UBA6: variants seen among roughly 807,000 people sequenced by gnomAD.
The protein encoded by UBA6 is ubiquitin like modifier activating enzyme 6.
Under a neutral mutation model 148.3 loss-of-function variants are expected in UBA6, and 87 were observed. That is an observed-to-expected ratio of 0.59 (90% CI 0.49 to 0.70). UBA6 has a LOEUF of 0.70. UBA6 is among the 30% of genes least tolerant of loss of function. The probability of loss-of-function intolerance (pLI) is 0.00; values close to 1 mark genes in which losing one functional copy is unlikely to be tolerated. For synonymous variants in UBA6, 376 were observed against 401.0 expected, an observed-to-expected ratio of 0.94 and a Z score of 0.75; for missense variants, 1,186 against 1,241.2, an observed-to-expected ratio of 0.96 and a Z score of 0.67.
At chr4:67,640,674 A>G (rs779689813) in intron 18 of UBA6, among the ~76,000 whole-genome samples, 34 of 152,290 alleles carry the variant, frequency 2.2e-4, no homozygotes, top group South Asian at 1.0e-3. Context: ...CCTGACTTAA[A>G]TATTTTGATT....
chr4:67,694,782 C>T (rs756471503), intron 2 of UBA6, among the ~76,000 whole-genome samples: 3 of 152,166 alleles, frequency 2.0e-5, no homozygotes, highest in Non-Finnish European at 4.4e-5. Context: ...TTAGTACCCA[C>T]ATAAATTTCT....
Position 67,618,032 on chromosome 4 carries a change from T to TAAAAAAAAAAAAAAAAAAAAA in UBA6, c.*964_*965insTTTTTTTTTTTTTTTTTTTTT, listed in dbSNP as rs71669108. ...GGGAATGAAATAACATGCTTCTGTTTAAAAAAAAAAAACAAAAAAAACACA... is the reference window on the plus strand; with the variant it reads ...GGGAATGAAATAACATGCTTCTGTTTAAAAAAAAAAAAAAAAAAAAAAAAAAAAAAAAACAAAAAAAACACA... On this transcript the variant is annotated 3_prime_UTR_variant, in exon 33 of 33. Transcript: ENST00000322244. The TAAAAAAAAAAAAAAAAAAAAA allele has an allele frequency of 7.7e-6, 1 of 129,948 alleles. No homozygotes were observed. 8.0% of individuals were successfully genotyped at this position (129,948 alleles called of 1,614,324 possible). A position where few individuals can be genotyped will look rare whatever the true frequency, so the allele number is the denominator to read the frequency against.
chr4:67,672,509 C>A (rs990704849), intron 7 of UBA6, among the ~76,000 whole-genome samples: 1 of 152,194 alleles, frequency 6.6e-6, no homozygotes, highest in Non-Finnish European at 1.5e-5. Flanking sequence ...TCTCTCCATA[C>A]AGCAAGCCAT....
chr4:67,634,184 A>G, intron 22 of UBA6, 58 bp downstream of exon 22: 1 of 1,236,708 alleles, frequency 8.1e-7, no homozygotes, highest in Non-Finnish European at 1.1e-6. Context: ...GATGACTTGA[A>G]AATAAGATTA....
chr4:67,683,590 T>G (rs528754427), intron 2 of UBA6, among the ~76,000 whole-genome samples: 3 of 150,898 alleles, frequency 2.0e-5, no homozygotes, highest in African/African-American at 7.3e-5. Context: ...TTTTTTTTAG[T>G]TCATCAGCTA....
Position 67,631,909 on chromosome 4 carries a change from C to T in UBA6, c.2143-1G>A. On this transcript the variant is annotated splice_acceptor_variant, in intron 23 of 32. Coordinates refer to ENST00000322244, the MANE Select transcript of UBA6 (RefSeq NM_018227.6). LOFTEE classifies it high-confidence loss of function. The stretch of plus-strand genomic sequence containing the variant: ...GGAAACAGTGAAGAAGCTGAAGAGC[C>T]TAAAGAAAAAAAATGAATTAAAGAC... 6.2e-7 allele frequency: 1 copy of T among 1,605,710 alleles called. No homozygotes were observed. The highest frequency in any genetic ancestry group is 8.5e-7 in the Non-Finnish European group (1 of 1,176,706).
At chr4:67,688,330 C>T (rs1730618399) in intron 2 of UBA6, among the ~76,000 whole-genome samples, 1 of 152,112 alleles carries the variant, frequency 6.6e-6, no homozygotes, top group Non-Finnish European at 1.5e-5. Context: ...TCTTCAGATA[C>T]ATCTTGTGAT....
intron 27 of UBA6, among the ~76,000 whole-genome samples, chr4:67,628,367 C>T (rs138717436): frequency 0.016 from 2,430 of 151,934 alleles, 38 homozygotes; most frequent in Middle Eastern, 0.034. Context: ...CTAGACGAGT[C>T]CTGACCTTAA....
chr4:67,632,182 G>T (rs960762555), intron 23 of UBA6, among the ~76,000 whole-genome samples: 2 of 152,098 alleles, frequency 1.3e-5, no homozygotes, highest in Non-Finnish European at 2.9e-5. Context: ...AACAAATGTA[G>T]ATTACTTCAC....
chr4:67,641,003 A>G, intron 18 of UBA6, 148 bp downstream of exon 18: 1 of 613,332 alleles, frequency 1.6e-6, no homozygotes, highest in South Asian at 2.2e-5. Flanking sequence ...ATAATTTAAT[A>G]TTTTCCCTTT....
intron 9 of UBA6, 107 bp downstream of exon 9, chr4:67,668,444 C>T: frequency 9.4e-7 from 1 of 1,061,096 alleles, no homozygotes; most frequent in Admixed American, 2.3e-5. Context: ...AGGCCAAGGG[C>T]TTTGGATCAT....
chr4:67,641,757 G>A (rs6857476), intron 17 of UBA6, among the ~76,000 whole-genome samples: 34,150 of 151,760 alleles, frequency 0.23, 4,016 homozygotes, highest in Middle Eastern at 0.3. Context: ...ATTGTCTACC[G>A]CAGTTTTCAT....
intron 16 of UBA6, 36 bp downstream of exon 16, chr4:67,645,902 T>C (rs1729411563): frequency 7.4e-7 from 1 of 1,342,530 alleles, no homozygotes. Flanking sequence ...ACGATAGCAG[T>C]TTGAACATAC....
At chr4:67,651,228 G>A (rs1429600765) in intron 13 of UBA6, among the ~76,000 whole-genome samples, 1 of 151,996 alleles carries the variant, frequency 6.6e-6, no homozygotes, top group Non-Finnish European at 1.5e-5. Flanking sequence ...ACTTGGCAAC[G>A]TAGGGGAAAA....
chr4:67,676,463 G>C (rs1730283953), intron 6 of UBA6, among the ~76,000 whole-genome samples: 1 of 152,144 alleles, frequency 6.6e-6, no homozygotes, highest in Admixed American at 6.5e-5. Context: ...TTTTCATCCA[G>C]AGCTTAAGAG....
At chr4:67,619,496 C>T (rs758739279) in intron 32 of UBA6, among the ~76,000 whole-genome samples, 4 of 152,002 alleles carry the variant, frequency 2.6e-5, no homozygotes, top group African/African-American at 9.7e-5. Context: ...GCCCACATGG[C>T]GAAACCCCAT....
At chr4:67,646,529 A>G (rs952266249) in intron 15 of UBA6, among the ~76,000 whole-genome samples, 195 bp downstream of exon 15, 1 of 152,210 alleles carries the variant, frequency 6.6e-6, no homozygotes, top group African/African-American at 2.4e-5. Flanking sequence ...ATACAATTTA[A>G]AACTTTGCAT....
At chr4:67,667,952 C>T (rs1301325547) in intron 9 of UBA6, among the ~76,000 whole-genome samples, 1 of 152,160 alleles carries the variant, frequency 6.6e-6, no homozygotes, top group African/African-American at 2.4e-5. Flanking sequence ...GAACATATAT[C>T]CCAACCAACA....
chr4:67,686,992 C>CAAAAAAAAAAAAAAAAAAAAA (rs1730584781), intron 2 of UBA6, among the ~76,000 whole-genome samples: 1 of 79,166 alleles, frequency 1.3e-5, no homozygotes, highest in African/African-American at 4.9e-5. Context: ...AAAAAAAAAT[C>CAAAAAAAAAAAAAAAAAAAAA]AAAAACAACC....
Sources: allele counts gnomAD v4.1 joint callset (sites outside exome capture counted in the v4.1 genomes callset), GRCh38; gene constraint gnomAD v4.1.1; transcripts MANE v1.5; gene names NCBI Gene and HGNC (gene_info 2026-07-23, HGNC 2026-07-21).